CHCHD6: variants seen among roughly 807,000 people sequenced by gnomAD.
The protein encoded by CHCHD6 is MICOS complex subunit MIC25.
CHCHD6 carries 28 observed loss-of-function variants against 32.3 expected under a neutral mutation model. The observed-to-expected ratio is 0.87, with a 90% CI of 0.64 to 1.19. The LOEUF (loss-of-function observed/expected upper bound fraction) is 1.19. Among genes scored for constraint, CHCHD6 ranks in the 50% most tolerant of loss-of-function variants. The pLI, the probability that CHCHD6 is intolerant of heterozygous loss-of-function variation, is 0.00. For synonymous variants in CHCHD6, 122 were observed against 117.5 expected (o/e 1.04, Z -0.25); for missense variants, 333 against 307.0 (o/e 1.08, Z -0.63).
chr3:126,718,178 C>T (rs1935111522), intron 1 of CHCHD6, among the ~76,000 whole-genome samples: 1 of 152,172 alleles, frequency 6.6e-6, no homozygotes, highest in Admixed American at 6.5e-5. Context: ...TGCAAAGCTA[C>T]ATGGAGAGCA....
intron 6 of CHCHD6, among the ~76,000 whole-genome samples, chr3:126,942,493 A>T (rs1357797719): frequency 1.3e-5 from 2 of 152,088 alleles, no homozygotes; most frequent in African/African-American, 4.8e-5. Context: ...TTATTTGGTT[A>T]TGTTAGTAAG....
At chr3:126,711,954 C>G (rs1311090669) in intron 1 of CHCHD6, among the ~76,000 whole-genome samples, 1 of 152,214 alleles carries the variant, frequency 6.6e-6, no homozygotes, top group Non-Finnish European at 1.5e-5. Context: ...GTTTGATGCT[C>G]CTGAATCCAT....
rs565316833 is a variant in CHCHD6 at position 126,799,751 on chromosome 3, A to G, written c.412-52896A>G. 2.0e-5 allele frequency among the ~76,000 whole-genome samples: 3 copies of G among 152,324 alleles called. No individual in the cohort carries two copies. In the South Asian group the frequency reaches 6.2e-4, roughly 32 times the overall value. ...GGTTGGGGTTAGGTGAGAAAGTCTA[A>G]CAGAACAGCAAAAAGAAGAAAGAAA... On this transcript the variant is annotated intron_variant, in intron 4 of 7. Transcript: ENST00000290913.
At chr3:126,754,131 G>C (rs1047070083) in intron 4 of CHCHD6, among the ~76,000 whole-genome samples, 12 of 152,190 alleles carry the variant, frequency 7.9e-5, no homozygotes, top group Non-Finnish European at 1.8e-4. Flanking sequence ...ATCACAGTCT[G>C]AACTGCCTTG....
chr3:126,828,389 A>G (rs1014814748), intron 4 of CHCHD6, among the ~76,000 whole-genome samples: 2 of 152,194 alleles, frequency 1.3e-5, no homozygotes, highest in Non-Finnish European at 2.9e-5. Context: ...CCAGGCCTCC[A>G]GTATCAGTTG....
chr3:126,767,183 C>T (rs1385288628), intron 4 of CHCHD6: 7 of 1,591,696 alleles, frequency 4.4e-6, no homozygotes, highest in Non-Finnish European at 5.2e-6. Context: ...CATTATCATA[C>T]TGAATTCAGC....
Position 126,830,788 on chromosome 3 carries a change from G to A in CHCHD6, c.412-21859G>A, listed in dbSNP as rs114345805. The stretch of plus-strand genomic sequence containing the variant: ...TTCATGTCCTTTGGTGAAACTCTGA[G>A]TGTCCCTCTGTTACTCAGAGGACAG... On this transcript the variant is annotated intron_variant, in intron 4 of 7. Transcript: ENST00000290913. Among the ~76,000 whole-genome samples the A allele has an allele frequency of 6.1e-3, 924 of 152,298 alleles. 9 individuals are homozygous for A. Among genetic ancestry groups the A allele is most frequent in the African/African-American group, 0.021 (883 of 41,542 alleles).
At position 126,952,474 on chromosome 3, in the gene CHCHD6, A is replaced by G. The variant is rs543354931; in HGVS notation, c.567-4942A>G. ...CTGAGGGGACAAGGGCAGGGGCCAC[A>G]GGTGGAGCTCGCACACAGGCAGAGG... On this transcript the variant is annotated intron_variant, in intron 6 of 7. Coordinates refer to ENST00000290913, the MANE Select transcript of CHCHD6 (RefSeq NM_032343.3). Among the ~76,000 whole-genome samples, 6 of 152,282 alleles carry G rather than the reference A, an allele frequency of 3.9e-5. No individual in the cohort carries two copies. The South Asian group carries it at 1.0e-3, about 26-fold the overall frequency.
chr3:126,755,167 C>G (rs1226812520), intron 4 of CHCHD6, among the ~76,000 whole-genome samples: 1 of 152,188 alleles, frequency 6.6e-6, no homozygotes, highest in East Asian at 1.9e-4. Flanking sequence ...TCAAAGAAAT[C>G]AGAGTTGAGA....
At chr3:126,853,129 A>C (rs1460032509) in intron 5 of CHCHD6, among the ~76,000 whole-genome samples, 1 of 152,086 alleles carries the variant, frequency 6.6e-6, no homozygotes, top group African/African-American at 2.4e-5. Flanking sequence ...AATACATTAA[A>C]GTTTTATTAT....
chr3:126,863,613 C>T (rs1942065817), intron 5 of CHCHD6, among the ~76,000 whole-genome samples: 1 of 138,410 alleles, frequency 7.2e-6, no homozygotes, highest in Non-Finnish European at 1.5e-5. Flanking sequence ...CTTCCCCCTC[C>T]TCCACCATCA....
chr3:126,886,464 G>A (rs1488993501), intron 5 of CHCHD6, among the ~76,000 whole-genome samples: 2 of 152,184 alleles, frequency 1.3e-5, no homozygotes, highest in African/African-American at 2.4e-5. Flanking sequence ...AGCCATCTGA[G>A]TTATCAGACC....
At chr3:126,767,221 GC>G in intron 4 of CHCHD6, 1 of 1,543,228 alleles carries the variant, frequency 6.5e-7, no homozygotes, top group Non-Finnish European at 8.9e-7. Context: ...TAATTGGCTG[GC>G]CATTGTATAT....
chr3:126,729,452 C>T (rs887571542), intron 2 of CHCHD6, among the ~76,000 whole-genome samples: 40 of 152,070 alleles, frequency 2.6e-4, no homozygotes, highest in African/African-American at 8.5e-4. Context: ...TTGGCAGCCC[C>T]GTTATTTTTG....
chr3:126,788,383 T>G (rs1372934449), intron 4 of CHCHD6, among the ~76,000 whole-genome samples: 1 of 152,216 alleles, frequency 6.6e-6, no homozygotes, highest in Non-Finnish European at 1.5e-5. Context: ...TTGATTGGAA[T>G]AGTTTCAGAA....
chr3:126,809,890 A>T (rs1386916555), intron 4 of CHCHD6, among the ~76,000 whole-genome samples: 1 of 152,250 alleles, frequency 6.6e-6, no homozygotes, highest in Non-Finnish European at 1.5e-5. Flanking sequence ...AGCTGTTTTC[A>T]AACTGATATT....
At chr3:126,863,339 T>A (rs1046071440) in intron 5 of CHCHD6, among the ~76,000 whole-genome samples, 1 of 25,704 alleles carries the variant, frequency 3.9e-5, no homozygotes, top group Non-Finnish European at 7.3e-5. Context: ...TCCTCCTCCA[T>A]CACCTCCTCC....
chr3:126,816,900 C>G (rs940243239), intron 4 of CHCHD6, among the ~76,000 whole-genome samples: 3 of 151,972 alleles, frequency 2.0e-5, no homozygotes, highest in Admixed American at 6.6e-5. Context: ...GTGTGATGTT[C>G]CCCACCCTGT....
chr3:126,778,284 T>A (rs1355743705), intron 4 of CHCHD6, among the ~76,000 whole-genome samples: 1 of 152,232 alleles, frequency 6.6e-6, no homozygotes, highest in East Asian at 1.9e-4. Flanking sequence ...GGTTATATAC[T>A]TTGCAATGGA....
Sources: allele counts gnomAD v4.1 joint callset (sites outside exome capture counted in the v4.1 genomes callset), GRCh38; gene constraint gnomAD v4.1.1; transcripts MANE v1.5; gene names NCBI Gene and HGNC (gene_info 2026-07-23, HGNC 2026-07-21).